CACNA2D1: variants seen among roughly 807,000 people sequenced by gnomAD.
CACNA2D1 encodes voltage-dependent calcium channel subunit alpha-2/delta-1.
CACNA2D1 carries 53 observed loss-of-function variants against 171.5 expected under a neutral mutation model. That is an observed-to-expected ratio of 0.31 (90% CI 0.25 to 0.39). The LOEUF (loss-of-function observed/expected upper bound fraction) is 0.39. Among genes scored for constraint, CACNA2D1 ranks in the 10% least tolerant of loss-of-function variants. The probability of loss-of-function intolerance (pLI) is 1.00; values close to 1 mark genes in which losing one functional copy is unlikely to be tolerated. For missense variants in CACNA2D1, 903 were observed against 1,299.8 expected, an observed-to-expected ratio of 0.69 and a Z score of 4.69; for synonymous variants, 442 against 443.1, an observed-to-expected ratio of 1.00 and a Z score of 0.03.
chr7:82,430,724 G>A (rs758376407), intron 1 of CACNA2D1, among the ~76,000 whole-genome samples: 2 of 152,088 alleles, frequency 1.3e-5, no homozygotes, highest in African/African-American at 2.4e-5. Flanking sequence ...TTTTCAGTAC[G>A]CTCTTGGCAG....
chr7:82,221,547 C>T (rs1176800456), intron 3 of CACNA2D1, among the ~76,000 whole-genome samples: 1 of 152,028 alleles, frequency 6.6e-6, no homozygotes, highest in Non-Finnish European at 1.5e-5. Flanking sequence ...GAATTTGAGA[C>T]CAGCCTGGCC....
At chr7:82,249,366 A>C (rs539682324) in intron 3 of CACNA2D1, among the ~76,000 whole-genome samples, 1 of 152,336 alleles carries the variant, frequency 6.6e-6, no homozygotes, top group East Asian at 1.9e-4. Context: ...GGATAAAATA[A>C]AAAGCACACA....
At chr7:82,081,617 G>C (rs1471763456) in intron 7 of CACNA2D1, among the ~76,000 whole-genome samples, 2 of 152,188 alleles carry the variant, frequency 1.3e-5, no homozygotes, top group Admixed American at 1.3e-4. Context: ...CCTAGGTATT[G>C]TGAGTGGGCA....
intron 1 of CACNA2D1, among the ~76,000 whole-genome samples, chr7:82,361,565 G>C (rs976430569): frequency 6.6e-6 from 1 of 151,852 alleles, no homozygotes; most frequent in Non-Finnish European, 1.5e-5. Flanking sequence ...ATATAATTGC[G>C]ATCTTTAATG....
intron 4 of CACNA2D1, among the ~76,000 whole-genome samples, chr7:82,169,205 A>G (rs78412223): frequency 3.9e-4 from 59 of 152,158 alleles, no homozygotes; most frequent in African/African-American, 1.4e-3. Flanking sequence ...CATTCACTAG[A>G]TGAGCTTACA....
chr7:82,136,640 G>A lies in CACNA2D1; in HGVS notation c.391C>T (p.Leu131Phe). Residue 131 changes from leucine to phenylalanine, a missense_variant, in exon 5 of 39, where the codon CTC (leucine) becomes TTC (phenylalanine). Leu to Phe is a conservative substitution (Grantham distance 22). Around this residue, in one of 5 missense-constraint regions of CACNA2D1, gnomAD observed 189 missense variants for 266.8 expected, o/e 0.71. Coordinates refer to ENST00000356860, the MANE Select transcript of CACNA2D1 (RefSeq NM_000722.4). Reference sequence around the variant, plus strand: ...GGAAAACATTTAATACTCACATCGAGATCATCCTTTGCATTGTAGTAGACA... The same window carrying A: ...GGAAAACATTTAATACTCACATCGAAATCATCCTTTGCATTGTAGTAGACA... The part of the protein sequence containing the change: ...EVVYYNAKDD[L>F]DPEKNDSEPG... 1 of 1,589,044 alleles carries A rather than the reference G, an allele frequency of 6.3e-7. No homozygotes were observed. The highest frequency in any genetic ancestry group is 8.6e-7 in the Non-Finnish European group (1 of 1,165,110).
At chr7:82,323,751 G>T (rs1317403681) in intron 3 of CACNA2D1, among the ~76,000 whole-genome samples, 2 of 152,048 alleles carry the variant, frequency 1.3e-5, no homozygotes, top group Non-Finnish European at 2.9e-5. Flanking sequence ...CCCCCATGCT[G>T]CATTACCAGA....
chr7:82,072,823 T>A (rs941492741), intron 7 of CACNA2D1, among the ~76,000 whole-genome samples: 12 of 152,098 alleles, frequency 7.9e-5, no homozygotes, highest in African/African-American at 2.9e-4. Flanking sequence ...TAATGCCACT[T>A]ACTAGGATTA....
intron 1 of CACNA2D1, among the ~76,000 whole-genome samples, chr7:82,391,691 C>A (rs754932451): frequency 3.3e-5 from 5 of 151,990 alleles, no homozygotes; most frequent in African/African-American, 1.2e-4. Context: ...TCCCATGTGA[C>A]GGAATTTAAA....
intron 3 of CACNA2D1, among the ~76,000 whole-genome samples, chr7:82,197,169 C>A (rs1324051422): frequency 6.6e-6 from 1 of 151,666 alleles, no homozygotes; most frequent in Non-Finnish European, 1.5e-5. Flanking sequence ...AAAAATTAAT[C>A]TTTACTAAAG....
At chr7:82,254,655 G>A (rs1468116366) in intron 3 of CACNA2D1, among the ~76,000 whole-genome samples, 2 of 152,042 alleles carry the variant, frequency 1.3e-5, no homozygotes, top group Admixed American at 1.3e-4. Flanking sequence ...GCCTTTCTTT[G>A]CCTAAATAAG....
chr7:82,345,032 C>G (rs891222742), intron 2 of CACNA2D1, among the ~76,000 whole-genome samples: 3 of 152,194 alleles, frequency 2.0e-5, no homozygotes, highest in Non-Finnish European at 4.4e-5. Context: ...TGCTGATTCC[C>G]TAGTCAGGAT....
At chr7:82,001,795 C>G in intron 18 of CACNA2D1, 1 of 428,120 alleles carries the variant, frequency 2.3e-6, no homozygotes, top group Non-Finnish European at 4.1e-6. Context: ...CAATTTTCGT[C>G]AGATATTTCC....
intron 3 of CACNA2D1, among the ~76,000 whole-genome samples, chr7:82,210,084 T>C (rs912888137): frequency 6.6e-6 from 1 of 152,294 alleles, no homozygotes; most frequent in East Asian, 1.9e-4. Flanking sequence ...GAGGCTATTA[T>C]TGATAAAATT....
At chr7:82,347,964 A>G (rs965898762) in intron 2 of CACNA2D1, among the ~76,000 whole-genome samples, 2 of 152,146 alleles carry the variant, frequency 1.3e-5, no homozygotes, top group African/African-American at 4.8e-5. Context: ...AGATTCAGAA[A>G]AAAAAAGTTT....
chr7:82,135,263 T>A (rs1791471849), intron 5 of CACNA2D1, among the ~76,000 whole-genome samples: 1 of 152,108 alleles, frequency 6.6e-6, no homozygotes, highest in South Asian at 2.1e-4. Context: ...TTTGTATATA[T>A]TTTTAAATAA....
At chr7:82,159,190 T>C (rs1270155083) in intron 4 of CACNA2D1, among the ~76,000 whole-genome samples, 1 of 151,970 alleles carries the variant, frequency 6.6e-6, no homozygotes, top group Non-Finnish European at 1.5e-5. Context: ...CTTTCTACTT[T>C]TTCCTAATAA....
intron 3 of CACNA2D1, among the ~76,000 whole-genome samples, chr7:82,294,817 T>C (rs966252613): frequency 6.6e-6 from 1 of 152,204 alleles, no homozygotes; most frequent in African/African-American, 2.4e-5. Flanking sequence ...TGAGTTAATT[T>C]TTTAATTTAT....
intron 3 of CACNA2D1, among the ~76,000 whole-genome samples, chr7:82,189,239 G>A (rs1041951385): frequency 4.6e-5 from 7 of 151,952 alleles, no homozygotes; most frequent in African/African-American, 1.7e-4. Context: ...TGGTATTTGG[G>A]CTGTAGTATT....
Sources: allele counts gnomAD v4.1 joint callset (sites outside exome capture counted in the v4.1 genomes callset), GRCh38; gene constraint gnomAD v4.1.1; regional missense constraint gnomAD v4.1.1; transcripts MANE v1.5; gene names NCBI Gene and HGNC (gene_info 2026-07-23, HGNC 2026-07-21).